MBNL2: variants seen among roughly 807,000 people sequenced by gnomAD.
The protein encoded by MBNL2 is muscleblind-like protein 2.
A neutral mutation model predicts 41.9 loss-of-function variants in MBNL2; 17 were observed. That is an observed-to-expected ratio of 0.41 (90% CI 0.28 to 0.61). The LOEUF is 0.61. MBNL2 is among the 20% of genes least tolerant of loss of function. The probability of loss-of-function intolerance (pLI) is 0.35; values close to 1 mark genes in which losing one functional copy is unlikely to be tolerated. For synonymous variants in MBNL2, 195 were observed against 182.9 expected, an observed-to-expected ratio of 1.07 and a Z score of -0.53; for missense variants, 336 against 505.6, an observed-to-expected ratio of 0.66 and a Z score of 3.22.
At chr13:97,370,083 C>A (rs1344335671) in intron 8 of MBNL2, among the ~76,000 whole-genome samples, 1 of 151,986 alleles carries the variant, frequency 6.6e-6, no homozygotes, top group Non-Finnish European at 1.5e-5. Flanking sequence ...AGGATAGTTA[C>A]GTATAGATGT....
At chr13:97,185,184 T>C in the MBNL2 span, among the ~76,000 whole-genome samples, 1 of 152,230 alleles carries the variant, frequency 6.6e-6, no homozygotes, top group Non-Finnish European at 1.5e-5. Flanking sequence ...ATGTCCTGAA[T>C]TACTCTAAGA....
At chr13:97,232,851 ATGTG>A (rs34769353) in intron 1 of MBNL2, among the ~76,000 whole-genome samples, 7,502 of 130,400 alleles carry the variant, frequency 0.058, 218 homozygotes, top group Non-Finnish European at 0.062. Flanking sequence ...TCTTGACGCT[ATGTG>A]TGTGTGTGTG....
chr13:97,315,948 C>G (rs532548903), intron 2 of MBNL2, among the ~76,000 whole-genome samples: 2 of 152,262 alleles, frequency 1.3e-5, no homozygotes, highest in South Asian at 4.1e-4. Flanking sequence ...GAGAGATACA[C>G]TCATGGCCAT....
the MBNL2 span, among the ~76,000 whole-genome samples, chr13:97,153,960 T>C: frequency 1.3e-5 from 2 of 152,240 alleles, no homozygotes; most frequent in African/African-American, 4.8e-5. Flanking sequence ...GATGAGTTTC[T>C]AAGTCTGTGC....
At chr13:97,219,790 T>C (rs922550652), upstream of MBNL2, among the ~76,000 whole-genome samples, 4 of 152,158 alleles carry the variant, frequency 2.6e-5, no homozygotes, top group African/African-American at 9.7e-5. Context: ...GTGGAAAAAT[T>C]AGACTTTTGT....
intron 5 of MBNL2, among the ~76,000 whole-genome samples, chr13:97,353,730 G>A (rs1248180245): frequency 1.3e-5 from 2 of 152,084 alleles, no homozygotes; most frequent in African/African-American, 4.8e-5. Context: ...AACACAAAAG[G>A]TGTCTGATCT....
chr13:97,279,216 C>T (rs762566069), intron 2 of MBNL2, among the ~76,000 whole-genome samples: 2 of 152,206 alleles, frequency 1.3e-5, no homozygotes, highest in Admixed American at 1.3e-4. Context: ...TACAGAGAAG[C>T]AGCAAGGGCT....
chr13:97,163,392 C>T, the MBNL2 span, among the ~76,000 whole-genome samples: 10 of 152,102 alleles, frequency 6.6e-5, no homozygotes, highest in South Asian at 2.1e-4. Context: ...GCCCTCACCA[C>T]CTAACTGGGA....
chr13:97,376,155 A>T (rs1440876376), intron 8 of MBNL2, among the ~76,000 whole-genome samples: 1 of 152,196 alleles, frequency 6.6e-6, no homozygotes, highest in East Asian at 1.9e-4. Context: ...ACTGGGATAG[A>T]GAGAAAAGAG....
chr13:97,158,601 G>T, the MBNL2 span, among the ~76,000 whole-genome samples: 1 of 150,990 alleles, frequency 6.6e-6, no homozygotes, highest in East Asian at 1.9e-4. Flanking sequence ...TTGTGTCTTT[G>T]TTCTCATTGG....
chr13:97,273,999 T>C (rs2051641346), intron 1 of MBNL2, among the ~76,000 whole-genome samples: 1 of 152,044 alleles, frequency 6.6e-6, no homozygotes, highest in Non-Finnish European at 1.5e-5. Context: ...AGGCAGAGGT[T>C]GCAGTGACCC....
At chr13:97,200,180 G>T in the MBNL2 span, among the ~76,000 whole-genome samples, 1 of 152,238 alleles carries the variant, frequency 6.6e-6, no homozygotes, top group Admixed American at 6.5e-5. Context: ...TTTCAGCACA[G>T]AGCTGCACGT....
At chr13:97,195,076 ATTCT>A in the MBNL2 span, among the ~76,000 whole-genome samples, 1 of 152,090 alleles carries the variant, frequency 6.6e-6, no homozygotes, top group African/African-American at 2.4e-5. Context: ...CTCGCCTCGA[ATTCT>A]TTCTTGTGTG....
rs1642657403 is a variant in MBNL2, at chr13:97,390,462, G to C, written c.1049-860G>C. Among the ~76,000 whole-genome samples, 3 of 152,102 alleles carry C rather than the reference G, an allele frequency of 2.0e-5. No homozygotes were observed. In the South Asian group the frequency reaches 6.2e-4, roughly 32 times the overall value. On this transcript the variant is annotated intron_variant, in intron 8 of 8. Coordinates refer to ENST00000679496, the MANE Select transcript of MBNL2 (RefSeq NM_001382683.1). ...CTCTTGTTTAATGAATAAACGCTTT[G>C]CTTATTAATTACACAAAATTTGGTC... is the stretch of plus-strand genomic sequence containing the variant.
chr13:97,238,848 G>A (rs755161323), intron 1 of MBNL2, among the ~76,000 whole-genome samples: 1 of 152,166 alleles, frequency 6.6e-6, no homozygotes, highest in Non-Finnish European at 1.5e-5. Context: ...GGGGATTCAT[G>A]AGCTGAGGCC....
intron 2 of MBNL2, among the ~76,000 whole-genome samples, chr13:97,287,392 T>C (rs911777013): frequency 1.3e-5 from 2 of 152,246 alleles, no homozygotes; most frequent in African/African-American, 4.8e-5. Context: ...ATTTAAAGGC[T>C]GTTTGTTTAA....
At chr13:97,200,750 AT>A in the MBNL2 span, among the ~76,000 whole-genome samples, 1 of 152,190 alleles carries the variant, frequency 6.6e-6, no homozygotes, top group Non-Finnish European at 1.5e-5. Flanking sequence ...ATTGTGAAAT[AT>A]TTTAAACTAA....
chr13:97,169,154 A>G, the MBNL2 span, among the ~76,000 whole-genome samples: 3 of 152,188 alleles, frequency 2.0e-5, no homozygotes, highest in African/African-American at 7.2e-5. Flanking sequence ...TTAGGGACCA[A>G]TAACTTCTTA....
chr13:97,384,201 T>A (rs1594298219), intron 8 of MBNL2, among the ~76,000 whole-genome samples: 1 of 152,146 alleles, frequency 6.6e-6, no homozygotes, highest in Non-Finnish European at 1.5e-5. Flanking sequence ...GCACCCGGCC[T>A]ATATTTAAAA....
Sources: gnomAD v4.1 joint callset for allele counts (sites outside exome capture counted in the v4.1 genomes callset) on GRCh38, gnomAD v4.1.1 for gene constraint, MANE v1.5 for transcripts, NCBI Gene and HGNC (gene_info 2026-07-23, HGNC 2026-07-21) for gene names.